RAVER2: variants seen among roughly 807,000 people sequenced by gnomAD.
RAVER2 encodes the protein ribonucleoprotein PTB-binding 2.
RAVER2 carries 46 observed loss-of-function variants against 78.1 expected under a neutral mutation model. That is an observed-to-expected ratio of 0.59 (90% CI 0.46 to 0.75). The LOEUF is 0.75. RAVER2 is among the 30% of genes least tolerant of loss of function. The probability of loss-of-function intolerance (pLI) is 0.00; values close to 1 mark genes in which losing one functional copy is unlikely to be tolerated. For synonymous variants in RAVER2, 311 were observed against 313.3 expected (o/e 0.99, Z 0.08); for missense variants, 793 against 837.5 (o/e 0.95, Z 0.66).
intron 1 of RAVER2, among the ~76,000 whole-genome samples, chr1:64,756,575 A>G (rs1048185674): frequency 6.6e-6 from 1 of 152,208 alleles, no homozygotes; most frequent in African/African-American, 2.4e-5. Context: ...AAGATAACAC[A>G]TAGAGTTCCC....
At chr1:64,804,629 T>C (rs1653359979) in intron 6 of RAVER2, 105 bp from the exon 7 acceptor site, 1 of 574,478 alleles carries the variant, frequency 1.7e-6, no homozygotes, top group African/African-American at 1.9e-5. Flanking sequence ...TTAGAAGCAG[T>C]TACTTTTACT....
chr1:64,757,883 T>C (rs775321936), intron 1 of RAVER2, among the ~76,000 whole-genome samples: 9 of 152,214 alleles, frequency 5.9e-5, no homozygotes, highest in African/African-American at 1.7e-4. Context: ...TGTGACTCTT[T>C]CATCTGAAGT....
At chr1:64,759,478 C>G (rs1419627003) in intron 1 of RAVER2, among the ~76,000 whole-genome samples, 1 of 151,488 alleles carries the variant, frequency 6.6e-6, no homozygotes, top group Non-Finnish European at 1.5e-5. Flanking sequence ...CTCGGCCTCC[C>G]AAAGTGCTGG....
intron 1 of RAVER2, among the ~76,000 whole-genome samples, chr1:64,763,912 A>G (rs1471908126): frequency 7.6e-6 from 1 of 131,816 alleles, no homozygotes; most frequent in Non-Finnish European, 1.6e-5. Flanking sequence ...TCAAAAAAAC[A>G]AAAATACACA....
chr1:64,813,003 A>G (rs937803062), intron 10 of RAVER2, among the ~76,000 whole-genome samples, 154 bp downstream of exon 10: 2 of 152,232 alleles, frequency 1.3e-5, no homozygotes, highest in African/African-American at 4.8e-5. Context: ...AATTAAAACT[A>G]AGACACTCAA....
chr1:64,816,951 A>G (rs1034833819), intron 11 of RAVER2, among the ~76,000 whole-genome samples: 3 of 152,230 alleles, frequency 2.0e-5, no homozygotes, highest in African/African-American at 7.2e-5. Context: ...AGAAACTACC[A>G]TCAGAGTGAA....
In RAVER2 at chr1:64,778,729, T is replaced by C. The variant is rs374432694; in HGVS notation, c.786+637T>C. On this transcript the variant is annotated intron_variant, in intron 3 of 11. Coordinates refer to ENST00000294428, the Ensembl canonical transcript of RAVER2. ...TATATATATACTATATATAACACTT[T>C]TCCTTACAGAGTTTTGATAGCAACT... Among the ~76,000 whole-genome samples the C allele has an allele frequency of 1.7e-4, 26 of 149,248 alleles. 5 individuals are homozygous for C. The highest frequency in any genetic ancestry group is 4.0e-4 in the Admixed American group (6 of 14,910).
chr1:64,778,150 C>A, intron 3 of RAVER2, 58 bp downstream of exon 3: 1 of 1,193,048 alleles, frequency 8.4e-7, no homozygotes, highest in Non-Finnish European at 1.2e-6. Context: ...TGTATCTAAT[C>A]TACATACACT....
At chr1:64,781,602 T>TA (rs751392746) in intron 4 of RAVER2, 31 bp downstream of exon 4, 213 of 1,584,532 alleles carry the variant, frequency 1.3e-4, no homozygotes, top group Non-Finnish European at 1.8e-4. Context: ...TCTCTTTTTT[T>TA]AGAGTATAGA....
At chr1:64,794,301 G>A (rs926373836) in intron 5 of RAVER2, among the ~76,000 whole-genome samples, 2 of 151,814 alleles carry the variant, frequency 1.3e-5, no homozygotes, top group African/African-American at 4.8e-5. Context: ...GGGAGGCTGA[G>A]GCAGGAGAAT....
intron 1 of RAVER2, among the ~76,000 whole-genome samples, chr1:64,751,243 G>A (rs1651689390): frequency 6.6e-6 from 1 of 152,166 alleles, no homozygotes; most frequent in Non-Finnish European, 1.5e-5. Context: ...TAGCATTTTA[G>A]CCTCTATTTA....
chr1:64,792,662 A>C (rs1275006122), intron 5 of RAVER2, among the ~76,000 whole-genome samples: 1 of 152,200 alleles, frequency 6.6e-6, no homozygotes, highest in African/African-American at 2.4e-5. Context: ...TTTCATAAGC[A>C]TAGCTTTTTC....
chr1:64,811,096 A>G (rs1653590967), intron 9 of RAVER2, among the ~76,000 whole-genome samples: 1 of 152,196 alleles, frequency 6.6e-6, no homozygotes, highest in South Asian at 2.1e-4. Context: ...TAACATACAT[A>G]CTTACAGACC....
intron 4 of RAVER2, among the ~76,000 whole-genome samples, chr1:64,785,550 G>A (rs1652755791): frequency 6.6e-6 from 1 of 151,958 alleles, no homozygotes; most frequent in Non-Finnish European, 1.5e-5. Context: ...TGTATTTTTA[G>A]TAGAGACGGG....
At position 64,745,210 on chromosome 1, in the gene RAVER2, G is replaced by T. The variant is rs1651488663; in HGVS notation, c.38G>T (p.Gly13Val). ...GCGGGAGACGGCGGCGGCGAGGGGGGCGCGGGCCTGGGCAGCGCGGCGGGG... is the reference window on the plus strand; with the variant it reads ...GCGGGAGACGGCGGCGGCGAGGGGGTCGCGGGCCTGGGCAGCGCGGCGGGG... The change falls in exon 1 of 12, where the codon GGC (glycine) becomes GTC (valine). Residue 13 changes from glycine (G) to valine (V), a missense_variant. Physicochemically the swap from Gly to Val is moderately radical, Grantham distance 109 (BLOSUM62 -3). Coordinates refer to ENST00000294428, the Ensembl canonical transcript of RAVER2. This position sits in a 1 kb window ranked among gnomAD's most constrained non-coding sequence, Gnocchi z 4.3. The T allele has an allele frequency of 9.5e-7, 1 of 1,055,464 alleles. No individual in the cohort carries two copies. The highest frequency in any genetic ancestry group is 1.1e-6 in the Non-Finnish European group (1 of 876,608). The allele number at this position is 1,055,464 out of a possible 1,614,324, so 65.4% of individuals were successfully genotyped here.
chr1:64,812,936 G>A, intron 10 of RAVER2, 87 bp downstream of exon 10: 2 of 926,076 alleles, frequency 2.2e-6, no homozygotes, highest in Admixed American at 3.0e-5. Flanking sequence ...CTTCATGGAA[G>A]CAAATAATAC....
exon 12 of RAVER2, chr1:64,831,286 A>T: frequency 4.8e-6 from 1 of 208,654 alleles, no homozygotes; most frequent in Non-Finnish European, 9.5e-6. Context: ...TAATTCTGAC[A>T]CCATATATAA....
At chr1:64,795,168 C>A (rs1053293754) in intron 5 of RAVER2, among the ~76,000 whole-genome samples, 13 of 152,118 alleles carry the variant, frequency 8.5e-5, no homozygotes, top group Admixed American at 8.5e-4. Flanking sequence ...AAATGTCTGT[C>A]TTTTACCAGT....
At chr1:64,822,242 T>C (rs953175103) in intron 11 of RAVER2, among the ~76,000 whole-genome samples, 1 of 152,140 alleles carries the variant, frequency 6.6e-6, no homozygotes, top group Non-Finnish European at 1.5e-5. Context: ...GAGCCAAGAT[T>C]GCGCCACTGC....
Sources: gnomAD v4.1 joint callset for allele counts (sites outside exome capture counted in the v4.1 genomes callset) on GRCh38, gnomAD v4.1.1 for gene constraint, Gnocchi (gnomAD v3.1) non-coding constraint, MANE v1.5 for transcripts, NCBI Gene and HGNC (gene_info 2026-07-23, HGNC 2026-07-21) for gene names.